Variants in PTPRCAP observed in about 807,000 individuals in gnomAD.
The protein encoded by PTPRCAP is protein tyrosine phosphatase receptor type C-associated protein.
For missense variants in PTPRCAP, 294 were observed against 285.5 expected, an observed-to-expected ratio of 1.03 and a Z score of -0.22; for synonymous variants, 136 against 135.8, an observed-to-expected ratio of 1.00 and a Z score of -0.01.
In PTPRCAP at chr11:67,435,816, G is replaced by T; in HGVS notation, c.538C>A (p.Leu180Met). The change falls in exon 2 of 2, where the codon CTG becomes ATG. Residue 180 changes from leucine to methionine, a missense_variant. Physicochemically the swap from Leu to Met is conservative, Grantham distance 15. Transcript: ENST00000326294. Reference protein sequence around the residue: ...GGSAEALLSDLHAFAGSAAWD... With the variant: ...GGSAEALLSDMHAFAGSAAWD... ...GCTGCGCTGCCAGCAAAGGCGTGCA[G>T]GTCACTCAGCAGGGCCTCAGCACTG... 6.2e-7 allele frequency: 1 copy of T among 1,603,860 alleles called. No homozygotes were observed. Among genetic ancestry groups the T allele is most frequent in the Non-Finnish European group, 8.5e-7 (1 of 1,176,446 alleles).
rs1864273448 is a variant in PTPRCAP, at chr11:67,436,302, C to G, written c.52G>C (p.Ala18Pro). 6.5e-7 allele frequency: 1 copy of G among 1,526,786 alleles called. No individual in the cohort carries two copies. Among genetic ancestry groups the G allele is most frequent in the Non-Finnish European group, 8.8e-7 (1 of 1,140,190 alleles). The allele number at this position is 1,526,786 out of a possible 1,614,324, so 94.6% of individuals were successfully genotyped here. The stretch of plus-strand genomic sequence containing the variant: ...TCCGCGCTGCCACCCGAGCCCAAGG[C>G]CCCTGGCAGGGCCAGCAGCATCCCG... ...GLGMLLALPGALGSGGSAEDS... is the reference protein window; with the variant it reads ...GLGMLLALPGPLGSGGSAEDS... Residue 18 changes from alanine (A) to proline (P), a missense_variant, in exon 2 of 2, where the codon GCC becomes CCC. Transcript: ENST00000326294.
chr11:67,437,310 C>T (rs1864307452), intron 1 of PTPRCAP: 2 of 336,988 alleles, frequency 5.9e-6, no homozygotes, highest in South Asian at 3.1e-4. Context: ...CCAGCCTCCC[C>T]CACCACCCCA....
At position 67,436,187 on chromosome 11, in the gene PTPRCAP, C is replaced by T. The variant is rs753782285; in HGVS notation, c.167G>A (p.Arg56His). 97 of 1,553,772 alleles carry T rather than the reference C, an allele frequency of 6.2e-5. No individual in the cohort carries two copies. Among genetic ancestry groups the T allele is most frequent in the Non-Finnish European group, 7.6e-5 (88 of 1,150,662 alleles). ...GTAGCCCCCTGAGTCACGGCTGAGG[C>T]GGCGCCAGGCCAGTGCTAGGCCAGT... Reference protein sequence around the residue: ...LATGLALAWRRLSRDSGGYYH... With the variant: ...LATGLALAWRHLSRDSGGYYH... Residue 56 changes from arginine to histidine, a missense_variant, in exon 2 of 2, where the codon CGC (arginine) becomes CAC (histidine). Physicochemically the swap from Arg to His is conservative, Grantham distance 29. Coordinates refer to ENST00000326294, the MANE Select transcript of PTPRCAP (RefSeq NM_005608.3).
At position 67,435,915 on chromosome 11, in the gene PTPRCAP, C is replaced by T. The variant is rs1397617312; in HGVS notation, c.439G>A (p.Ala147Thr). 6.2e-7 allele frequency: 1 copy of T among 1,612,794 alleles called. No individual in the cohort carries two copies. Residue 147 changes from alanine to threonine, a missense_variant, in exon 2 of 2, where the codon GCT (alanine) becomes ACT (threonine). By Grantham distance (58) the Ala-to-Thr change is moderately conservative (BLOSUM62 0). Coordinates refer to ENST00000326294, the MANE Select transcript of PTPRCAP (RefSeq NM_005608.3). Reference protein sequence around the residue: ...ASSPEQVPVRAEEARDSDTEG... With the variant: ...ASSPEQVPVRTEEARDSDTEG... The stretch of plus-strand genomic sequence containing the variant: ...GTGTCACTGTCTCTGGCTTCCTCAG[C>T]CCGCACGGGGACCTGCTCTGGGCTG...
chr11:67,437,608 G>C lies in PTPRCAP; in HGVS notation c.3+9C>G. On this transcript the variant is annotated intron_variant, in intron 1 of 1. Coordinates refer to ENST00000326294, the MANE Select transcript of PTPRCAP (RefSeq NM_005608.3). ...CCATCCCAAGAACCCGGGGGGCTCC[G>C]AGGCTTACCATTGGTCCGCAGGCCC... The C allele has an allele frequency of 7.4e-7, 1 of 1,358,584 alleles. No individual in the cohort carries two copies. Among genetic ancestry groups the C allele is most frequent in the Non-Finnish European group, 9.6e-7 (1 of 1,046,920 alleles). The allele number at this position is 1,358,584 out of a possible 1,614,324, so 84.2% of individuals were successfully genotyped here. A position where few individuals can be genotyped will look rare whatever the true frequency, so the allele number is the denominator to read the frequency against.
chr11:67,436,233 G>A lies in PTPRCAP; in HGVS notation c.121C>T (p.Leu41=). The change falls in exon 2 of 2, where the codon CTG becomes TTG. Residue 41 remains leucine (L), a synonymous_variant. Transcript: ENST00000326294. ...SSSVTVVLLL[L]LLLLLATGLA... is the part of the protein sequence containing the mutation. Reference sequence around the variant, plus strand: ...CCAGTGGCCAGCAGTAGGAGCAGCAGCAGCAGCAGGACAACGGTGACAGAG... The same window carrying A: ...CCAGTGGCCAGCAGTAGGAGCAGCAACAGCAGCAGGACAACGGTGACAGAG... 3 of 1,546,700 alleles carry A rather than the reference G, an allele frequency of 1.9e-6. No individual in the cohort carries two copies. Among genetic ancestry groups the A allele is most frequent in the Non-Finnish European group, 2.6e-6 (3 of 1,149,408 alleles).
At position 67,435,560 on chromosome 11, in the gene PTPRCAP, G is replaced by GT. The variant is rs1864247274; in HGVS notation, c.*172_*173insA. 1.1e-6 allele frequency: 1 copy of GT among 950,746 alleles called. No individual in the cohort carries two copies. Among genetic ancestry groups the GT allele is most frequent in the African/African-American group, 2.9e-5 (1 of 34,204 alleles). 58.9% of individuals were successfully genotyped at this position (950,746 alleles called of 1,614,324 possible). A position where few individuals can be genotyped will look rare whatever the true frequency, so the allele number is the denominator to read the frequency against. ...AATGGTTGCCTGATGCCTGTGGTTGGGGGGGGCCGTTCCCGTGGTGAGCGG... is the reference window on the plus strand; with the variant it reads ...AATGGTTGCCTGATGCCTGTGGTTGGTGGGGGGCCGTTCCCGTGGTGAGCGG... On this transcript the variant is annotated 3_prime_UTR_variant, in exon 2 of 2. Coordinates refer to ENST00000326294, the MANE Select transcript of PTPRCAP (RefSeq NM_005608.3).
At position 67,435,636 on chromosome 11, in the gene PTPRCAP, C is replaced by A; in HGVS notation, c.*97G>T. The A allele has an allele frequency of 6.8e-7, 1 of 1,478,000 alleles. No homozygotes were observed. The highest frequency in any genetic ancestry group is 1.4e-5 in the South Asian group (1 of 73,128). 91.6% of individuals were successfully genotyped at this position (1,478,000 alleles called of 1,614,324 possible). A position where few individuals can be genotyped will look rare whatever the true frequency, so the allele number is the denominator to read the frequency against. ...AGGGGGTGACAGTCTGAGGCATGGT[C>A]ATGTGGGCTGGGGGTCCAGTCCAGC... On this transcript the variant is annotated 3_prime_UTR_variant, in exon 2 of 2. Coordinates refer to ENST00000326294, the MANE Select transcript of PTPRCAP (RefSeq NM_005608.3).
Position 67,436,105 on chromosome 11 carries a change from C to G in PTPRCAP, c.249G>C (p.Trp83Cys). Reference sequence around the variant, plus strand: ...GCAGCCAGCGACCTGGGGGGCTGGCCCAGAGCAGGCGCCGCGTGCGGCCCC... The same window carrying G: ...GCAGCCAGCGACCTGGGGGGCTGGCGCAGAGCAGGCGCCGCGTGCGGCCCC... ...ALWGRTRRLLWASPPGRWLQA... is the reference protein window; with the variant it reads ...ALWGRTRRLLCASPPGRWLQA... The change falls in exon 2 of 2, where the codon TGG (tryptophan) becomes TGC (cysteine). Residue 83 changes from tryptophan (W) to cysteine (C), a missense_variant. Coordinates refer to ENST00000326294, the MANE Select transcript of PTPRCAP (RefSeq NM_005608.3). The G allele has an allele frequency of 6.2e-7, 1 of 1,605,996 alleles. No individual in the cohort carries two copies. Among genetic ancestry groups the G allele is most frequent in the Non-Finnish European group, 8.5e-7 (1 of 1,176,490 alleles).
chr11:67,436,325 C>A lies in PTPRCAP; in HGVS notation c.29G>T (p.Gly10Val). MALPCTLGL[G>V]MLLALPGALG... is the part of the protein sequence containing the mutation. The stretch of plus-strand genomic sequence containing the variant: ...GGCCCCTGGCAGGGCCAGCAGCATC[C>A]CGAGCCCTAAGGTGCAGGGCAGAGC... The change falls in exon 2 of 2, where the codon GGG becomes GTG. Residue 10 changes from glycine to valine, a missense_variant. Coordinates refer to ENST00000326294, the MANE Select transcript of PTPRCAP (RefSeq NM_005608.3). 6.6e-7 allele frequency: 1 copy of A among 1,508,424 alleles called. No homozygotes were observed. The highest frequency in any genetic ancestry group is 2.1e-5 in the Admixed American group (1 of 47,598). The allele number at this position is 1,508,424 out of a possible 1,614,324, so 93.4% of individuals were successfully genotyped here. A position where few individuals can be genotyped will look rare whatever the true frequency, so the allele number is the denominator to read the frequency against.
Position 67,435,713 on chromosome 11 carries a change from T to G in PTPRCAP, c.*20A>C. 6.7e-7 allele frequency: 1 copy of G among 1,502,722 alleles called. No individual in the cohort carries two copies. Among genetic ancestry groups the G allele is most frequent in the Non-Finnish European group, 8.8e-7 (1 of 1,130,554 alleles). The allele number at this position is 1,502,722 out of a possible 1,614,324, so 93.1% of individuals were successfully genotyped here. ...GGGGAGTGAGCGGCTGTGACAGGGA[T>G]GGGACACCAAGACCGGCCTCTACAG... On this transcript the variant is annotated 3_prime_UTR_variant, in exon 2 of 2. Coordinates refer to ENST00000326294, the MANE Select transcript of PTPRCAP (RefSeq NM_005608.3).
intron 1 of PTPRCAP, chr11:67,437,411 C>T (rs964615689): frequency 1.5e-5 from 7 of 472,086 alleles, no homozygotes; most frequent in East Asian, 7.1e-5. Flanking sequence ...GGGCCTGGTC[C>T]GGTATGGGGT....
intron 1 of PTPRCAP, chr11:67,436,728 C>G (rs1864290938): frequency 9.4e-6 from 2 of 213,786 alleles, no homozygotes; most frequent in South Asian, 2.9e-4. Flanking sequence ...TTAACCTCTA[C>G]CCTGATGTCT....
At position 67,436,326 on chromosome 11, in the gene PTPRCAP, C is replaced by T. The variant is rs758359868; in HGVS notation, c.28G>A (p.Gly10Arg). 2.1e-5 allele frequency: 32 copies of T among 1,507,382 alleles called. No homozygotes were observed. The highest frequency in any genetic ancestry group is 1.7e-4 in the South Asian group (13 of 77,510). The allele number at this position is 1,507,382 out of a possible 1,614,324, so 93.4% of individuals were successfully genotyped here. A position where few individuals can be genotyped will look rare whatever the true frequency, so the allele number is the denominator to read the frequency against. Reference sequence around the variant, plus strand: ...GCCCCTGGCAGGGCCAGCAGCATCCCGAGCCCTAAGGTGCAGGGCAGAGCC... The same window carrying T: ...GCCCCTGGCAGGGCCAGCAGCATCCTGAGCCCTAAGGTGCAGGGCAGAGCC... The part of the protein sequence containing the change: MALPCTLGL[G>R]MLLALPGALG... The change falls in exon 2 of 2, where the codon GGG (glycine) becomes AGG (arginine). Residue 10 changes from glycine (G) to arginine (R), a missense_variant. Gly to Arg is a moderately radical substitution (Grantham distance 125). Coordinates refer to ENST00000326294, the MANE Select transcript of PTPRCAP (RefSeq NM_005608.3).
chr11:67,437,565 C>A (rs948957916), intron 1 of PTPRCAP, 52 bp downstream of exon 1: 3 of 1,338,352 alleles, frequency 2.2e-6, no homozygotes, highest in Non-Finnish European at 2.9e-6. Context: ...ACATTCTAGC[C>A]CCGACCGCCT....
At position 67,435,549 on chromosome 11, in the gene PTPRCAP, G is replaced by A; in HGVS notation, c.*184C>T. ...GTTTTATTTCAAATGGTTGCCTGAT[G>A]CCTGTGGTTGGGGGGGGCCGTTCCC... On this transcript the variant is annotated 3_prime_UTR_variant, in exon 2 of 2. Transcript: ENST00000326294. The A allele has an allele frequency of 1.2e-6, 1 of 845,102 alleles. No homozygotes were observed. The highest frequency in any genetic ancestry group is 1.7e-6 in the Non-Finnish European group (1 of 578,068). The allele number at this position is 845,102 out of a possible 1,614,324, so 52.4% of individuals were successfully genotyped here. A position where few individuals can be genotyped will look rare whatever the true frequency, so the allele number is the denominator to read the frequency against.
In PTPRCAP at chr11:67,435,698, C is replaced by T. The variant is rs199927418; in HGVS notation, c.*35G>A. The T allele has an allele frequency of 4.5e-5, 67 of 1,498,104 alleles. No individual in the cohort carries two copies. The highest frequency in any genetic ancestry group is 1.8e-4 in the Middle Eastern group (1 of 5,530). The allele number at this position is 1,498,104 out of a possible 1,614,324, so 92.8% of individuals were successfully genotyped here. On this transcript the variant is annotated 3_prime_UTR_variant, in exon 2 of 2. Transcript: ENST00000326294. ...GGGAAGCAGAGGCACGGGGAGTGAG[C>T]GGCTGTGACAGGGATGGGACACCAA... is the stretch of plus-strand genomic sequence containing the variant.
intron 1 of PTPRCAP, 160 bp from the exon 2 acceptor site, chr11:67,436,510 C>G (rs1402165934): frequency 2.4e-6 from 2 of 841,652 alleles, no homozygotes; most frequent in Non-Finnish European, 3.4e-6. Context: ...CAACCAGGCT[C>G]TGGCCCTGTG....
Position 67,435,634 on chromosome 11 carries a change from G to A in PTPRCAP, c.*99C>T. The A allele has an allele frequency of 2.0e-6, 3 of 1,476,062 alleles. No homozygotes were observed. Among genetic ancestry groups the A allele is most frequent in the Non-Finnish European group, 2.7e-6 (3 of 1,115,522 alleles). 91.4% of individuals were successfully genotyped at this position (1,476,062 alleles called of 1,614,324 possible). ...GTAGGGGGTGACAGTCTGAGGCATG[G>A]TCATGTGGGCTGGGGGTCCAGTCCA... On this transcript the variant is annotated 3_prime_UTR_variant, in exon 2 of 2. Transcript: ENST00000326294.
Sources: allele counts gnomAD v4.1 joint callset, GRCh38; gene constraint gnomAD v4.1.1; transcripts MANE v1.5; gene names NCBI Gene and HGNC (gene_info 2026-07-23, HGNC 2026-07-21).